The following GRHL2 variants were observed in gnomAD, a reference collection of about 807,000 sequenced individuals.
GRHL2 encodes the protein grainyhead-like protein 2 homolog.
In GRHL2, 21 loss-of-function variants were observed where a neutral mutation model predicts 83.8. That is an observed-to-expected ratio of 0.25 (90% CI 0.18 to 0.36). The LOEUF is 0.36. Ranked by LOEUF, GRHL2 falls within the 10% of genes least tolerant of loss-of-function variation. The probability of loss-of-function intolerance (pLI) is 1.00; values close to 1 mark genes in which losing one functional copy is unlikely to be tolerated. For missense variants in GRHL2, 623 were observed against 781.8 expected, an observed-to-expected ratio of 0.80 and a Z score of 2.42; for synonymous variants, 280 against 278.9, an observed-to-expected ratio of 1.00 and a Z score of -0.04.
At chr8:101,509,205 C>CTTTCTTTCTTTCTTTCTTTCTTTCTTTCT (rs369570058) in intron 1 of GRHL2, among the ~76,000 whole-genome samples, 1 of 19,022 alleles carries the variant, frequency 5.3e-5, no homozygotes, top group Non-Finnish European at 1.6e-4. Flanking sequence ...TTCTTTCTTT[C>CTTTCTTTCTTTCTTTCTTTCTTTCTTTCT]TTCTTGTGTG....
chr8:101,613,381 T>C (rs1812790756), intron 8 of GRHL2, among the ~76,000 whole-genome samples: 1 of 150,876 alleles, frequency 6.6e-6, no homozygotes, highest in African/African-American at 2.5e-5. Context: ...TTTTATGAAA[T>C]CTAGGCATTT....
chr8:101,585,316 T>C (rs1010327386), intron 7 of GRHL2, among the ~76,000 whole-genome samples: 4 of 152,212 alleles, frequency 2.6e-5, no homozygotes, highest in African/African-American at 9.6e-5. Context: ...GTAAATAGGA[T>C]TTCATTTTTT....
At chr8:101,553,129 G>A (rs1811419355) in intron 3 of GRHL2, among the ~76,000 whole-genome samples, 1 of 152,216 alleles carries the variant, frequency 6.6e-6, no homozygotes, top group African/African-American at 2.4e-5. Context: ...CCCTCAGGAA[G>A]TGAGACACTT....
intron 8 of GRHL2, 42 bp downstream of exon 8, chr8:101,599,193 C>T (rs75368465): frequency 1.6e-6 from 2 of 1,235,592 alleles, no homozygotes; most frequent in Non-Finnish European, 2.4e-6. Context: ...TTAATATGTG[C>T]CCATCCTCAG....
At chr8:101,527,382 G>T (rs886615081) in intron 1 of GRHL2, among the ~76,000 whole-genome samples, 1 of 151,858 alleles carries the variant, frequency 6.6e-6, no homozygotes, top group African/African-American at 2.4e-5. Flanking sequence ...AAATTTTTTT[G>T]TAGAGACAGA....
At chr8:101,648,767 C>A (rs979842583) in intron 13 of GRHL2, among the ~76,000 whole-genome samples, 1 of 152,174 alleles carries the variant, frequency 6.6e-6, no homozygotes, top group African/African-American at 2.4e-5. Context: ...CCTTTCTCCC[C>A]ACTGCCCCCA....
chr8:101,573,995 T>C (rs1485627855), intron 6 of GRHL2, 171 bp downstream of exon 6: 3 of 747,338 alleles, frequency 4.0e-6, no homozygotes, highest in Non-Finnish European at 6.8e-6. Context: ...AGTTGATCAT[T>C]GTAATCAGTA....
chr8:101,604,724 C>T (rs1812595364), intron 8 of GRHL2, among the ~76,000 whole-genome samples: 1 of 152,138 alleles, frequency 6.6e-6, no homozygotes, highest in Non-Finnish European at 1.5e-5. Flanking sequence ...TGCTCTGCCT[C>T]CAAGCCTTTT....
intron 4 of GRHL2, among the ~76,000 whole-genome samples, chr8:101,570,095 A>AG (rs1811791597): frequency 6.6e-6 from 1 of 152,244 alleles, no homozygotes; most frequent in Non-Finnish European, 1.5e-5. Context: ...CAAACTCTGT[A>AG]GGAACACCTG....
At chr8:101,596,131 A>AT (rs1812385731) in intron 7 of GRHL2, among the ~76,000 whole-genome samples, 2 of 13,828 alleles carry the variant, frequency 1.4e-4, no homozygotes, top group South Asian at 1.3e-3. Flanking sequence ...AAAAATAAAA[A>AT]TAAAAAAAAT....
intron 1 of GRHL2, among the ~76,000 whole-genome samples, chr8:101,521,856 G>A (rs529132): frequency 0.98 from 149,101 of 152,294 alleles, 73,039 homozygotes; most frequent in Non-Finnish European, 1. Flanking sequence ...GAACTAATCA[G>A]TTCGTAGATG....
In GRHL2 at chr8:101,499,152, G is replaced by A. The variant is rs77279871; in HGVS notation, c.20+6363G>A. Among the ~76,000 whole-genome samples the A allele has an allele frequency of 3.4e-3, 516 of 152,046 alleles. 4 individuals carry two copies. Among genetic ancestry groups the A allele is most frequent in the African/African-American group, 0.012 (491 of 41,452 alleles). ...CAACATTAACAGTACCCAATCACCT[G>A]AAGAAGTGTTTGTTTCAAATGTACA... is the stretch of plus-strand genomic sequence containing the variant. On this transcript the variant is annotated intron_variant, in intron 1 of 15. Coordinates refer to ENST00000646743, the MANE Select transcript of GRHL2 (RefSeq NM_024915.4).
At chr8:101,653,493 G>A (rs1813715671) in intron 14 of GRHL2, among the ~76,000 whole-genome samples, 2 of 152,066 alleles carry the variant, frequency 1.3e-5, no homozygotes, top group South Asian at 4.2e-4. Flanking sequence ...AGAATCACCT[G>A]GGGTACCTTT....
chr8:101,530,661 A>G (rs992307370), intron 1 of GRHL2, among the ~76,000 whole-genome samples: 2 of 152,202 alleles, frequency 1.3e-5, no homozygotes, highest in African/African-American at 4.8e-5. Context: ...TTCAATAAAT[A>G]TGTGTTGCCT....
chr8:101,587,942 T>C (rs1456127850), intron 7 of GRHL2, among the ~76,000 whole-genome samples: 1 of 152,212 alleles, frequency 6.6e-6, no homozygotes, highest in African/African-American at 2.4e-5. Context: ...TCTTCCTTGT[T>C]TACAAAACCT....
At chr8:101,600,892 C>T (rs1303664337) in intron 8 of GRHL2, among the ~76,000 whole-genome samples, 6 of 152,076 alleles carry the variant, frequency 3.9e-5, no homozygotes, top group Admixed American at 3.3e-4. Context: ...GCATGGTGGC[C>T]GATGCCTGTA....
the GRHL2 span, among the ~76,000 whole-genome samples, chr8:101,681,177 T>C: frequency 7.1e-6 from 1 of 141,604 alleles, no homozygotes; most frequent in African/African-American, 2.8e-5. Flanking sequence ...GATAGACCGC[T>C]AGCAAGACTA....
At chr8:101,592,197 C>T (rs761443509) in intron 7 of GRHL2, among the ~76,000 whole-genome samples, 6 of 151,018 alleles carry the variant, frequency 4.0e-5, no homozygotes, top group South Asian at 4.2e-4. Flanking sequence ...CTCCGCCTCC[C>T]GGGTTCAAGC....
At chr8:101,510,399 G>T (rs2130005062) in intron 1 of GRHL2, among the ~76,000 whole-genome samples, 1 of 152,252 alleles carries the variant, frequency 6.6e-6, no homozygotes, top group African/African-American at 2.4e-5. Flanking sequence ...ATATACAGTG[G>T]ATTTATCATC....
Sources: allele counts gnomAD v4.1 joint callset (sites outside exome capture counted in the v4.1 genomes callset), GRCh38; gene constraint gnomAD v4.1.1; transcripts MANE v1.5; gene names NCBI Gene and HGNC (gene_info 2026-07-23, HGNC 2026-07-21).